The following TANC2 variants were observed in gnomAD, a reference collection of about 807,000 sequenced individuals.
The protein encoded by TANC2 is protein TANC2.
Under a neutral mutation model 210.5 loss-of-function variants are expected in TANC2, and 26 were observed. That is an observed-to-expected ratio of 0.12 (90% CI 0.09 to 0.17). The LOEUF (loss-of-function observed/expected upper bound fraction) is 0.17. Among genes scored for constraint, TANC2 ranks in the 10% least tolerant of loss-of-function variants. The pLI is 1.00. For missense variants in TANC2, 2,129 were observed against 2,608.9 expected (o/e 0.82, Z 4.01); for synonymous variants, 931 against 967.1 (o/e 0.96, Z 0.69).
chr17:63,001,021 A>C (rs1001031946), intron 1 of TANC2, among the ~76,000 whole-genome samples: 2 of 149,936 alleles, frequency 1.3e-5, no homozygotes, highest in African/African-American at 4.9e-5. Flanking sequence ...CATCACTATA[A>C]TTTATGCCAC....
chr17:63,232,810 T>C lies in TANC2; in HGVS notation c.770-5004T>C, dbSNP rs192314719. Among the ~76,000 whole-genome samples, 17 of 152,352 alleles carry C rather than the reference T, an allele frequency of 1.1e-4. No homozygotes were observed. In the East Asian group the frequency reaches 2.9e-3, roughly 26 times the overall value. On this transcript the variant is annotated intron_variant, in intron 7 of 27. Coordinates refer to ENST00000689528, the Ensembl canonical transcript of TANC2. ...AGGGGGTGCACTGCACTGGGGGGAA[T>C]CCCACTTGTCTGGACTACCCGGATT...
intron 14 of TANC2, among the ~76,000 whole-genome samples, chr17:63,378,854 A>G (rs535339527): frequency 6.6e-6 from 1 of 152,306 alleles, no homozygotes; most frequent in East Asian, 1.9e-4. Context: ...CTGATCAGAG[A>G]AGACGTCACT....
At chr17:63,177,499 G>A (rs944830008) in intron 5 of TANC2, among the ~76,000 whole-genome samples, 11 of 151,730 alleles carry the variant, frequency 7.2e-5, no homozygotes, top group Admixed American at 2.6e-4. Context: ...GAATTTTATC[G>A]TAGTCTGCTA....
At chr17:63,068,801 G>A (rs764164526) in intron 2 of TANC2, among the ~76,000 whole-genome samples, 2 of 148,246 alleles carry the variant, frequency 1.3e-5, no homozygotes, top group Non-Finnish European at 3.0e-5. Context: ...TAAAATGAAC[G>A]TCCACACAGA....
chr17:63,411,556 G>A (rs2048703505), exon 22 of TANC2: 2 of 1,613,936 alleles, frequency 1.2e-6, no homozygotes, highest in Non-Finnish European at 1.7e-6. Context: ...ACAGCCCTCA[G>A]CTGGGCTTGT....
chr17:63,203,056 A>G (rs967083202), intron 7 of TANC2, among the ~76,000 whole-genome samples: 1 of 152,162 alleles, frequency 6.6e-6, no homozygotes, highest in Non-Finnish European at 1.5e-5. Flanking sequence ...GTTTATACCT[A>G]GGACTGGAAT....
chr17:63,415,788 T>G, intron 26 of TANC2, 114 bp downstream of exon 26: 1 of 1,326,814 alleles, frequency 7.5e-7, no homozygotes, highest in Middle Eastern at 2.6e-4. Flanking sequence ...TGGAACTTGG[T>G]TGTCCTTCAC....
chr17:62,970,816 A>G (rs774941361), intron 1 of TANC2, among the ~76,000 whole-genome samples: 1 of 152,236 alleles, frequency 6.6e-6, no homozygotes, highest in Non-Finnish European at 1.5e-5. Context: ...TTTTGCTGAC[A>G]GTACAATATG....
chr17:63,411,886 A>T (rs1385624881), intron 22 of TANC2, 112 bp from the exon 23 acceptor site: 1 of 1,497,184 alleles, frequency 6.7e-7, no homozygotes, highest in Non-Finnish European at 9.0e-7. Flanking sequence ...ATGGCAGCAT[A>T]GCCTGGGGTA....
At position 63,020,599 on chromosome 17, in the gene TANC2, A is replaced by G. The variant is rs573892898; in HGVS notation, c.67+10973A>G. 2.0e-4 allele frequency among the ~76,000 whole-genome samples: 30 copies of G among 152,370 alleles called. No homozygotes were observed. The South Asian group carries it at 3.7e-3, about 19-fold the overall frequency. On this transcript the variant is annotated intron_variant, in intron 2 of 27. Coordinates refer to ENST00000689528, the Ensembl canonical transcript of TANC2. Reference sequence around the variant, plus strand: ...TTAATCATTAAGTACTAAGTATAGTATGCTGGTTGCTTGATATTTGAGTCT... The same window carrying G: ...TTAATCATTAAGTACTAAGTATAGTGTGCTGGTTGCTTGATATTTGAGTCT...
Position 63,278,057 on chromosome 17 carries a change from A to G in TANC2, c.1159+10184A>G, listed in dbSNP as rs200308855. Among the ~76,000 whole-genome samples the G allele has an allele frequency of 8.5e-5, 13 of 152,132 alleles. 1 individual carries two copies. The highest frequency in any genetic ancestry group is 1.9e-4 in the East Asian group (1 of 5,162). The stretch of plus-strand genomic sequence containing the variant: ...ACGGTGGTACACGCCTGTAGTCCCA[A>G]CTACTCAGGAGGATCACTTGAGTCC... On this transcript the variant is annotated intron_variant, in intron 9 of 27. Coordinates refer to ENST00000689528, the Ensembl canonical transcript of TANC2.
chr17:63,016,275 G>T (rs1451655474), intron 2 of TANC2, among the ~76,000 whole-genome samples: 1 of 152,128 alleles, frequency 6.6e-6, no homozygotes, highest in African/African-American at 2.4e-5. Context: ...AAATGGTATA[G>T]CAATTAAAAA....
Position 63,137,862 on chromosome 17 carries a change from A to G in TANC2, c.323-13408A>G, listed in dbSNP as rs2039144606. Among the ~76,000 whole-genome samples, 3 of 152,190 alleles carry G rather than the reference A, an allele frequency of 2.0e-5. 1 individual carries two copies. In the South Asian group the frequency reaches 6.2e-4, roughly 31 times the overall value. ...AGCCCATTTGAAAGAAAGAGGGCTA[A>G]ATTTAATACAGGATCTGCTACTTTA... On this transcript the variant is annotated intron_variant, in intron 4 of 27. Transcript: ENST00000689528.
At chr17:63,084,029 A>G (rs1415775228) in intron 3 of TANC2, among the ~76,000 whole-genome samples, 4 of 152,180 alleles carry the variant, frequency 2.6e-5, no homozygotes, top group African/African-American at 2.4e-5. Context: ...TTCTGCTTCT[A>G]CCTTTTGAAA....
intron 5 of TANC2, among the ~76,000 whole-genome samples, chr17:63,179,294 G>T (rs976639546): frequency 6.6e-6 from 1 of 152,104 alleles, no homozygotes; most frequent in Non-Finnish European, 1.5e-5. Context: ...AGTTTTCTTG[G>T]CAGGATGATG....
intron 13 of TANC2, 96 bp from the exon 14 acceptor site, chr17:63,354,687 G>A (rs1444729784): frequency 1.6e-5 from 23 of 1,462,206 alleles, no homozygotes; most frequent in Middle Eastern, 1.8e-4. Flanking sequence ...TGGCCACTTC[G>A]AAGTTCAGAA....
intron 21 of TANC2, 58 bp from the exon 22 acceptor site, chr17:63,411,453 C>T (rs1444461972): frequency 8.6e-6 from 13 of 1,515,872 alleles, no homozygotes; most frequent in South Asian, 3.9e-5. Flanking sequence ...AGCGTACTTC[C>T]CCTCCTGCTG....
intron 1 of TANC2, chr17:63,004,844 G>T: frequency 6.4e-6 from 2 of 312,596 alleles, no homozygotes; most frequent in South Asian, 6.0e-5. Flanking sequence ...TTTGGCTTTG[G>T]CCCTGGTTTT....
chr17:63,046,925 A>G (rs1409558744), intron 2 of TANC2, among the ~76,000 whole-genome samples: 1 of 152,198 alleles, frequency 6.6e-6, no homozygotes, highest in African/African-American at 2.4e-5. Flanking sequence ...TATCAGTCAA[A>G]ACAGAAAGAG....
Sources: allele counts gnomAD v4.1 joint callset (sites outside exome capture counted in the v4.1 genomes callset), GRCh38; gene constraint gnomAD v4.1.1; transcripts MANE v1.5; gene names NCBI Gene and HGNC (gene_info 2026-07-23, HGNC 2026-07-21).